The following GNB1 variants were observed in gnomAD, a reference collection of about 807,000 sequenced individuals.
GNB1 encodes guanine nucleotide-binding protein G(I)/G(S)/G(T) subunit beta-1.
Under a neutral mutation model 42.9 loss-of-function variants are expected in GNB1, and 2 were observed. The ratio of observed to expected loss-of-function variants is 0.05; its 90% confidence interval spans 0.02 to 0.15. The LOEUF (loss-of-function observed/expected upper bound fraction) is 0.15, where lower values mean the gene tolerates loss of function less well. GNB1 is among the 10% of genes least tolerant of loss of function. The pLI, the probability that GNB1 is intolerant of heterozygous loss-of-function variation, is 1.00. For missense variants in GNB1, 193 were observed against 462.2 expected, an observed-to-expected ratio of 0.42 and a Z score of 5.34; for synonymous variants, 183 against 174.7, an observed-to-expected ratio of 1.05 and a Z score of -0.38.
intron 1 of GNB1, among the ~76,000 whole-genome samples, chr1:1,862,229 A>C (rs75230881): frequency 9.3e-4 from 141 of 152,326 alleles, no homozygotes; most frequent in African/African-American, 2.6e-3. Flanking sequence ...AAATAAATAA[A>C]TAACTAAGTA....
At chr1:1,890,569 A>G (rs1026343689) in intron 1 of GNB1, among the ~76,000 whole-genome samples, 23 of 148,032 alleles carry the variant, frequency 1.6e-4, no homozygotes, top group Non-Finnish European at 2.3e-4. Flanking sequence ...CCCGGTGCCG[A>G]AACTCGGCCC....
chr1:1,839,863 A>G (rs1031496979), intron 1 of GNB1, among the ~76,000 whole-genome samples: 4 of 151,916 alleles, frequency 2.6e-5, no homozygotes, highest in African/African-American at 9.7e-5. Context: ...CAAAACAAAA[A>G]CACACAACAG....
intron 7 of GNB1, among the ~76,000 whole-genome samples, chr1:1,797,337 T>C (rs1037655643): frequency 2.0e-5 from 3 of 152,244 alleles, no homozygotes; most frequent in African/African-American, 7.2e-5. Flanking sequence ...AGTTATATAA[T>C]ACTGTATAAT....
intron 1 of GNB1, among the ~76,000 whole-genome samples, chr1:1,862,924 A>G (rs750481421): frequency 2.8e-4 from 43 of 152,174 alleles, no homozygotes; most frequent in Non-Finnish European, 5.0e-4. Context: ...AGTGGTGCTG[A>G]AGTCCACACA....
At chr1:1,839,349 C>T (rs6657357) in intron 1 of GNB1, 111 bp from the exon 2 acceptor site, 1 of 151,808 alleles carries the variant, frequency 6.6e-6, no homozygotes, top group African/African-American at 2.4e-5. Context: ...TGACCCTTCC[C>T]TATTACTATT....
At chr1:1,814,797 C>CA (rs66588627) in intron 5 of GNB1, among the ~76,000 whole-genome samples, 17,431 of 76,662 alleles carry the variant, frequency 0.23, 1,638 homozygotes, top group African/African-American at 0.26. Flanking sequence ...GACCCTGTCT[C>CA]AAAAAAAAAA....
chr1:1,859,730 C>T (rs1475021753), intron 1 of GNB1, among the ~76,000 whole-genome samples: 9 of 149,680 alleles, frequency 6.0e-5, no homozygotes, highest in African/African-American at 1.5e-4. Context: ...GGAGGCAGGC[C>T]GGGCGCGGTG....
At chr1:1,811,791 C>T (rs1024224545) in intron 5 of GNB1, among the ~76,000 whole-genome samples, 19 of 151,912 alleles carry the variant, frequency 1.3e-4, no homozygotes, top group South Asian at 2.1e-4. Context: ...ATAGGCCAGA[C>T]GCAGTGGCTC....
At chr1:1,874,261 G>A (rs1388256469) in intron 1 of GNB1, among the ~76,000 whole-genome samples, 1 of 152,180 alleles carries the variant, frequency 6.6e-6, no homozygotes, top group Non-Finnish European at 1.5e-5. Context: ...ACGAGGCCAG[G>A]AATTCAAGAG....
At chr1:1,862,309 GT>G (rs1222837237) in intron 1 of GNB1, among the ~76,000 whole-genome samples, 1 of 151,398 alleles carries the variant, frequency 6.6e-6, no homozygotes, top group Non-Finnish European at 1.5e-5. Context: ...GAGCCACTAA[GT>G]AACTCCTGGG....
chr1:1,803,557 C>T lies in GNB1; in HGVS notation c.430+862G>A, dbSNP rs150115599. ...TTGGCCTCCCAGAGTGTTGCAGTTACAGGCATGAGCCACCATGTCCAGCGC... is the reference window on the plus strand; with the variant it reads ...TTGGCCTCCCAGAGTGTTGCAGTTATAGGCATGAGCCACCATGTCCAGCGC... On this transcript the variant is annotated intron_variant, in intron 7 of 11. Coordinates refer to ENST00000378609, the MANE Select transcript of GNB1 (RefSeq NM_002074.5). Among the ~76,000 whole-genome samples, 552 of 152,342 alleles carry T rather than the reference C, an allele frequency of 3.6e-3. 6 individuals are homozygous for T. Among genetic ancestry groups the T allele is most frequent in the African/African-American group, 0.012 (515 of 41,590 alleles).
At chr1:1,834,283 TG>T (rs1647115406) in intron 2 of GNB1, among the ~76,000 whole-genome samples, 3 of 152,088 alleles carry the variant, frequency 2.0e-5, no homozygotes, top group African/African-American at 7.2e-5. Flanking sequence ...CTCTGACCCT[TG>T]GAACTCTGAA....
chr1:1,811,556 C>T (rs1049106415), intron 5 of GNB1, among the ~76,000 whole-genome samples: 7 of 150,946 alleles, frequency 4.6e-5, no homozygotes, highest in East Asian at 2.0e-4. Context: ...ATTAGCCGGG[C>T]GTGGTGGCGG....
intron 7 of GNB1, among the ~76,000 whole-genome samples, chr1:1,803,006 C>T (rs1646646433): frequency 6.6e-6 from 1 of 152,182 alleles, no homozygotes; most frequent in African/African-American, 2.4e-5. Context: ...CAAGGTTAAA[C>T]TTGTAATCTG....
At chr1:1,889,291 C>G (rs1216003877) in intron 1 of GNB1, among the ~76,000 whole-genome samples, 2 of 152,086 alleles carry the variant, frequency 1.3e-5, no homozygotes, top group East Asian at 3.8e-4. Context: ...TGCTTAATCA[C>G]CTAATACTAT....
chr1:1,791,899 T>C (rs1379489028), intron 8 of GNB1, among the ~76,000 whole-genome samples: 1 of 152,050 alleles, frequency 6.6e-6, no homozygotes, highest in Non-Finnish European at 1.5e-5. Context: ...CTTTTGTAAA[T>C]CTATGAAATT....
chr1:1,807,621 C>T (rs974588145), intron 5 of GNB1, among the ~76,000 whole-genome samples: 11 of 152,160 alleles, frequency 7.2e-5, no homozygotes, highest in Middle Eastern at 3.4e-3. Flanking sequence ...CCAAAGGAGG[C>T]GTTCCCTCCT....
chr1:1,858,819 G>A (rs1272453580), intron 1 of GNB1, among the ~76,000 whole-genome samples: 3 of 152,256 alleles, frequency 2.0e-5, no homozygotes, highest in South Asian at 4.1e-4. Context: ...TCCCGATGAC[G>A]TCACATCCTA....
intron 7 of GNB1, among the ~76,000 whole-genome samples, chr1:1,801,903 T>A (rs1646631623): frequency 6.6e-6 from 1 of 152,154 alleles, no homozygotes; most frequent in Admixed American, 6.5e-5. Context: ...AGGACCCCCA[T>A]GAAGGCAGGA....
Sources: allele counts gnomAD v4.1 joint callset (sites outside exome capture counted in the v4.1 genomes callset), GRCh38; gene constraint gnomAD v4.1.1; transcripts MANE v1.5; gene names NCBI Gene and HGNC (gene_info 2026-07-23, HGNC 2026-07-21).